The following VPS50 variants were observed in gnomAD, a reference collection of about 807,000 sequenced individuals.
The protein encoded by VPS50 is VPS50 subunit of EARP/GARPII complex.
VPS50 carries 70 observed loss-of-function variants against 139.7 expected under a neutral mutation model. That is an observed-to-expected ratio of 0.50 (90% confidence interval 0.41 to 0.61). The LOEUF (loss-of-function observed/expected upper bound fraction) is 0.61, where lower values mean the gene tolerates loss of function less well. Among genes scored for constraint, VPS50 ranks in the 20% least tolerant of loss-of-function variants. VPS50 has a pLI of 0.00. For synonymous variants in VPS50, 365 were observed against 376.7 expected, an observed-to-expected ratio of 0.97 and a Z score of 0.36; for missense variants, 921 against 1,133.7, an observed-to-expected ratio of 0.81 and a Z score of 2.69.
intron 23 of VPS50, among the ~76,000 whole-genome samples, chr7:93,343,628 A>T (rs1266788084): frequency 6.6e-6 from 1 of 152,214 alleles, no homozygotes; most frequent in African/African-American, 2.4e-5. Context: ...GACTAACAGC[A>T]GATCTCTCGG....
intron 20 of VPS50, among the ~76,000 whole-genome samples, chr7:93,314,852 G>T (rs572309587): frequency 6.6e-6 from 1 of 152,084 alleles, no homozygotes; most frequent in African/African-American, 2.4e-5. Flanking sequence ...TTGGGGGAAG[G>T]TCAAATACTA....
chr7:93,323,464 G>C, intron 20 of VPS50, 147 bp from the exon 21 acceptor site: 1 of 257,002 alleles, frequency 3.9e-6, no homozygotes, highest in Non-Finnish European at 7.0e-6. Flanking sequence ...AAACTACTGA[G>C]TACTTGAGAC....
At chr7:93,292,063 CA>C (rs1449959284) in intron 13 of VPS50, among the ~76,000 whole-genome samples, 3 of 151,956 alleles carry the variant, frequency 2.0e-5, no homozygotes, top group Non-Finnish European at 4.4e-5. Context: ...TACTAGTTTC[CA>C]GAAGTGTGTG....
chr7:93,290,583 A>T (rs1490404697), intron 12 of VPS50, among the ~76,000 whole-genome samples: 1 of 151,934 alleles, frequency 6.6e-6, no homozygotes, highest in Non-Finnish European at 1.5e-5. Flanking sequence ...CTATTGAGAT[A>T]ATCATTTGAT....
At chr7:93,295,785 C>A (rs1485349167) in intron 14 of VPS50, among the ~76,000 whole-genome samples, 4 of 151,896 alleles carry the variant, frequency 2.6e-5, no homozygotes, top group African/African-American at 9.7e-5. Context: ...AGTGTGGTGG[C>A]AGAGTCATGG....
At chr7:93,341,694 T>C (rs76138580) in intron 23 of VPS50, 119 bp downstream of exon 23, 6,834 of 591,900 alleles carry the variant, frequency 0.012, 54 homozygotes, top group Non-Finnish European at 0.015. Flanking sequence ...ATATCACTTA[T>C]ATGTTTCTGA....
chr7:93,283,276 G>T (rs1237420737), intron 12 of VPS50, among the ~76,000 whole-genome samples: 11 of 148,986 alleles, frequency 7.4e-5, no homozygotes, highest in Non-Finnish European at 1.5e-4. Context: ...TGCCTGGGCT[G>T]GAGTTCAATG....
chr7:93,253,711 G>A (rs866005774), intron 3 of VPS50, 149 bp from the exon 4 acceptor site: 3 of 528,432 alleles, frequency 5.7e-6, no homozygotes, highest in Middle Eastern at 6.2e-4. Flanking sequence ...TAGGAGGGAG[G>A]TTGGGAGGAC....
chr7:93,342,240 A>G (rs1394007863), intron 23 of VPS50, among the ~76,000 whole-genome samples: 1 of 152,106 alleles, frequency 6.6e-6, no homozygotes, highest in Non-Finnish European at 1.5e-5. Flanking sequence ...AATCTGGGTC[A>G]CTCCCACCCG....
In VPS50 at chr7:93,335,948, C is replaced by T. The variant is rs562055557; in HGVS notation, c.2058+1751C>T. On this transcript the variant is annotated intron_variant, in intron 22 of 27. Coordinates refer to ENST00000305866, the MANE Select transcript of VPS50 (RefSeq NM_017667.4). ...ATGAATTATTACTCATACTGATAAA[C>T]ATTGGTTTGTTATTTTAGAAAATAT... Among the ~76,000 whole-genome samples the T allele has an allele frequency of 9.9e-4, 150 of 152,238 alleles. 1 individual carries two copies. Among genetic ancestry groups the T allele is most frequent in the Non-Finnish European group, 1.9e-3 (129 of 68,000 alleles).
At chr7:93,276,488 A>T (rs1796157993) in intron 12 of VPS50, 183 bp downstream of exon 12, 1 of 979,522 alleles carries the variant, frequency 1.0e-6, no homozygotes, top group Non-Finnish European at 1.4e-6. Flanking sequence ...CAGTCACACA[A>T]ATGGTAAAGG....
intron 21 of VPS50, among the ~76,000 whole-genome samples, chr7:93,328,133 T>C (rs1797835080): frequency 6.6e-6 from 1 of 152,224 alleles, no homozygotes; most frequent in African/African-American, 2.4e-5. Flanking sequence ...GATTCTATTA[T>C]AATAATGCTA....
chr7:93,320,534 C>CT (rs978423268), intron 20 of VPS50: 7 of 150,658 alleles, frequency 4.6e-5, no homozygotes, highest in Non-Finnish European at 7.4e-5. Flanking sequence ...TTTGTATTTT[C>CT]TTTTTTTTAG....
intron 12 of VPS50, among the ~76,000 whole-genome samples, chr7:93,279,855 A>G (rs1415963078): frequency 6.6e-6 from 1 of 152,218 alleles, no homozygotes; most frequent in African/African-American, 2.4e-5. Context: ...TGAACAGGGA[A>G]TAATTGTGCT....
chr7:93,310,776 G>A (rs1051303718), intron 19 of VPS50, among the ~76,000 whole-genome samples: 1 of 151,684 alleles, frequency 6.6e-6, no homozygotes, highest in Non-Finnish European at 1.5e-5. Context: ...ATGCTGCCCC[G>A]TAACCCCAAA....
At chr7:93,301,342 A>G (rs1796969349) in intron 16 of VPS50, among the ~76,000 whole-genome samples, 1 of 152,080 alleles carries the variant, frequency 6.6e-6, no homozygotes, top group South Asian at 2.1e-4. Context: ...GTTACCACCA[A>G]CATTTCAATA....
At chr7:93,304,750 C>T (rs1347102561) in intron 17 of VPS50, among the ~76,000 whole-genome samples, 2 of 151,790 alleles carry the variant, frequency 1.3e-5, no homozygotes, top group African/African-American at 4.8e-5. Context: ...ACATTATCTC[C>T]TTTAAAGTAG....
intron 1 of VPS50, among the ~76,000 whole-genome samples, chr7:93,232,726 A>T (rs1303658080): frequency 6.6e-6 from 1 of 152,086 alleles, no homozygotes; most frequent in African/African-American, 2.4e-5. Context: ...TTTAAAAATA[A>T]GTCATTGAAG....
chr7:93,345,095 GA>G (rs892660080), intron 23 of VPS50, among the ~76,000 whole-genome samples: 6 of 151,688 alleles, frequency 4.0e-5, no homozygotes, highest in African/African-American at 7.3e-5. Context: ...GACTAATAAA[GA>G]AAAAAAGAGA....
Sources: gnomAD v4.1 joint callset for allele counts (sites outside exome capture counted in the v4.1 genomes callset) on GRCh38, gnomAD v4.1.1 for gene constraint, MANE v1.5 for transcripts, NCBI Gene and HGNC (gene_info 2026-07-23, HGNC 2026-07-21) for gene names.